Variants in AGBL4 observed in about 807,000 individuals in gnomAD.
AGBL4 encodes AGBL carboxypeptidase 4, also known as cytosolic carboxypeptidase 6.
Under a neutral mutation model 66.4 loss-of-function variants are expected in AGBL4, and 58 were observed. The ratio of observed to expected loss-of-function variants is 0.87; its 90% CI spans 0.71 to 1.09. The LOEUF (loss-of-function observed/expected upper bound fraction) is 1.09. Ranked by LOEUF, AGBL4 falls within the 50% of genes least tolerant of loss-of-function variation. The pLI, the probability that AGBL4 is intolerant of heterozygous loss-of-function variation, is 0.00. For synonymous variants in AGBL4, 234 were observed against 222.9 expected (o/e 1.05, Z -0.44); for missense variants, 579 against 631.0 (o/e 0.92, Z 0.88).
chr1:50,019,196 G>T (rs572369464), intron 1 of AGBL4, among the ~76,000 whole-genome samples: 1 of 151,612 alleles, frequency 6.6e-6, no homozygotes, highest in Admixed American at 6.6e-5. Flanking sequence ...CCAGATAAGG[G>T]ACTGCAGACC....
intron 4 of AGBL4, among the ~76,000 whole-genome samples, chr1:49,203,325 T>C (rs553348444): frequency 6.6e-6 from 1 of 152,218 alleles, no homozygotes; most frequent in South Asian, 2.1e-4. Flanking sequence ...GTATACCACA[T>C]TCACTGCAGC....
At chr1:49,579,233 A>AAT (rs965084782) in intron 3 of AGBL4, among the ~76,000 whole-genome samples, 13 of 152,294 alleles carry the variant, frequency 8.5e-5, no homozygotes, top group African/African-American at 3.1e-4. Context: ...AAATATCAAG[A>AAT]ATATATATAC....
chr1:48,591,524 A>G (rs1369729490), intron 9 of AGBL4, among the ~76,000 whole-genome samples: 3 of 152,178 alleles, frequency 2.0e-5, no homozygotes, highest in Non-Finnish European at 2.9e-5. Flanking sequence ...GAGTATTTTA[A>G]TTCAAACCTC....
chr1:49,720,432 T>C (rs1415693582), intron 2 of AGBL4, among the ~76,000 whole-genome samples: 4 of 152,158 alleles, frequency 2.6e-5, no homozygotes, highest in Non-Finnish European at 5.9e-5. Context: ...GAAGAAGTTT[T>C]AAAAAGTCCT....
chr1:49,479,999 G>A (rs777710182), intron 3 of AGBL4, among the ~76,000 whole-genome samples: 2 of 152,106 alleles, frequency 1.3e-5, no homozygotes, highest in African/African-American at 2.4e-5. Context: ...GAGCCACGGC[G>A]CCCGGCTCAC....
At chr1:49,672,999 A>G (rs1646511614) in intron 3 of AGBL4, among the ~76,000 whole-genome samples, 1 of 151,936 alleles carries the variant, frequency 6.6e-6, no homozygotes, top group African/African-American at 2.4e-5. Flanking sequence ...AAAGAAAAAG[A>G]AAAGACATAC....
At chr1:49,326,634 A>T (rs1570441277) in intron 3 of AGBL4, among the ~76,000 whole-genome samples, 1 of 152,322 alleles carries the variant, frequency 6.6e-6, no homozygotes, top group East Asian at 1.9e-4. Flanking sequence ...GAGATTAAGG[A>T]TTATATGGTA....
chr1:49,118,406 A>G (rs1645577771), intron 4 of AGBL4, among the ~76,000 whole-genome samples: 4 of 152,192 alleles, frequency 2.6e-5, no homozygotes, highest in Admixed American at 2.6e-4. Flanking sequence ...TATGTAGTTT[A>G]TTGAGAGTTT....
At chr1:49,927,698 A>G (rs560253491) in intron 1 of AGBL4, among the ~76,000 whole-genome samples, 3 of 152,094 alleles carry the variant, frequency 2.0e-5, no homozygotes, top group Admixed American at 6.6e-5. Context: ...AAAGAATGGG[A>G]AAGAATGAAG....
rs61650648 is a variant in AGBL4 at position 49,230,063 on chromosome 1, C to T, written c.377+15707G>A. Among the ~76,000 whole-genome samples, 1,313 of 152,280 alleles carry T rather than the reference C, an allele frequency of 8.6e-3. 15 individuals carry two copies. The highest frequency in any genetic ancestry group is 0.03 in the African/African-American group (1,258 of 41,548). ...TACCAGGTAGAGCCTGTCTTCACAC[C>T]TGGGTCTGTCTTCATATCTATTTCA... On this transcript the variant is annotated intron_variant, in intron 4 of 13. Transcript: ENST00000371839.
At chr1:49,026,099 T>TATGAG (rs1663660887) in intron 5 of AGBL4, among the ~76,000 whole-genome samples, 1 of 152,154 alleles carries the variant, frequency 6.6e-6, no homozygotes, top group South Asian at 2.1e-4. Flanking sequence ...TTTGTATATT[T>TATGAG]ATATCTATAT....
chr1:48,751,577 G>A (rs1194358495), intron 6 of AGBL4, among the ~76,000 whole-genome samples: 3 of 152,176 alleles, frequency 2.0e-5, no homozygotes, highest in African/African-American at 7.2e-5. Context: ...GCCCAAAGCA[G>A]GTATTCCTAG....
chr1:48,728,078 T>C (rs759805408), intron 6 of AGBL4: 3 of 1,538,526 alleles, frequency 1.9e-6, no homozygotes, highest in Non-Finnish European at 1.8e-6. Context: ...CAAGGATTAA[T>C]GGTGAATTCA....
intron 3 of AGBL4, among the ~76,000 whole-genome samples, chr1:49,531,687 G>A (rs964861216): frequency 6.6e-6 from 1 of 151,992 alleles, no homozygotes; most frequent in Non-Finnish European, 1.5e-5. Flanking sequence ...TAAGACAACT[G>A]GGGTTCTGAC....
At chr1:48,551,276 GCTGTGTGAAC>G (rs1464091967) in intron 11 of AGBL4, among the ~76,000 whole-genome samples, 1 of 152,192 alleles carries the variant, frequency 6.6e-6, no homozygotes, top group Non-Finnish European at 1.5e-5. Flanking sequence ...TACATGTTTA[GCTGTGTGAAC>G]CTGGGCAGGC....
chr1:49,689,772 C>T (rs186741247), intron 3 of AGBL4, among the ~76,000 whole-genome samples: 13 of 152,200 alleles, frequency 8.5e-5, no homozygotes, highest in Admixed American at 1.3e-4. Flanking sequence ...CTTCCATAAA[C>T]GAGAGCTTTC....
At chr1:48,912,462 C>T (rs1425791062) in intron 5 of AGBL4, among the ~76,000 whole-genome samples, 1 of 152,064 alleles carries the variant, frequency 6.6e-6, no homozygotes, top group Non-Finnish European at 1.5e-5. Context: ...GTTTTCCTGC[C>T]CAGGACGTTG....
intron 1 of AGBL4, among the ~76,000 whole-genome samples, chr1:49,921,813 C>T (rs918826757): frequency 1.3e-5 from 2 of 152,162 alleles, no homozygotes; most frequent in Non-Finnish European, 2.9e-5. Context: ...GCCTACTTTG[C>T]TCTGGCGGCG....
chr1:49,204,297 T>A (rs562855356), intron 4 of AGBL4, among the ~76,000 whole-genome samples: 33 of 152,176 alleles, frequency 2.2e-4, no homozygotes, highest in Non-Finnish European at 3.8e-4. Context: ...TTTAGTCAAG[T>A]TCTTGCTCTG....
Sources: allele counts gnomAD v4.1 joint callset (sites outside exome capture counted in the v4.1 genomes callset), GRCh38; gene constraint gnomAD v4.1.1; transcripts MANE v1.5; gene names NCBI Gene and HGNC (gene_info 2026-07-23, HGNC 2026-07-21).